KAZN: variants seen among roughly 807,000 people sequenced by gnomAD.
KAZN encodes the protein kazrin.
Under a neutral mutation model 87.4 loss-of-function variants are expected in KAZN, and 40 were observed. The observed-to-expected ratio is 0.46, with a 90% CI of 0.36 to 0.60. The LOEUF (loss-of-function observed/expected upper bound fraction) is 0.60, where lower values mean the gene tolerates loss of function less well. Ranked by LOEUF, KAZN falls within the 20% of genes least tolerant of loss-of-function variation. The pLI is 0.00. For missense variants in KAZN, 898 were observed against 1,073.9 expected, an observed-to-expected ratio of 0.84 and a Z score of 2.29; for synonymous variants, 466 against 458.3, an observed-to-expected ratio of 1.02 and a Z score of -0.22.
Position 14,380,570 on chromosome 1 carries a change from A to G in KAZN, c.249+199978A>G, listed in dbSNP as rs541240384. ...ATTCTAGAGTTGGAAAACGCAATTA[A>G]CATACTAAAAAATACATCAGAGTTT... is the stretch of plus-strand genomic sequence containing the variant. On this transcript the variant is annotated intron_variant, in intron 2 of 16. Coordinates refer to the KAZN transcript ENST00000636203. Among the ~76,000 whole-genome samples, 3 of 152,320 alleles carry G rather than the reference A, an allele frequency of 2.0e-5. No homozygotes were observed. The South Asian group carries it at 6.2e-4, about 32-fold the overall frequency.
At chr1:14,419,143 A>G (rs1453230625) in intron 2 of KAZN, among the ~76,000 whole-genome samples, 3 of 152,236 alleles carry the variant, frequency 2.0e-5, no homozygotes, top group Non-Finnish European at 4.4e-5. Context: ...AGGAACTTCT[A>G]TGCCAGCATA....
intron 2 of KAZN, among the ~76,000 whole-genome samples, chr1:14,213,458 A>C (rs1489496014): frequency 6.6e-6 from 1 of 152,068 alleles, no homozygotes; most frequent in African/African-American, 2.4e-5. Context: ...GGATTCATGG[A>C]GATGTATAGG....
chr1:14,864,934 C>A (rs1291146625), intron 1 of KAZN, among the ~76,000 whole-genome samples: 1 of 152,130 alleles, frequency 6.6e-6, no homozygotes, highest in Admixed American at 6.5e-5. Context: ...AAGCTCAGAC[C>A]AGCAGCCCCT....
chr1:15,117,376 G>A lies in KAZN; in HGVS notation c.*2741G>A, dbSNP rs1270203642. ...AAGGCACCTGCCTGGTAGACTCTCA[G>A]CTTTCTGACCCCCAGGAGCCTCTGC... On this transcript the variant is annotated 3_prime_UTR_variant, in exon 15 of 15. Coordinates refer to ENST00000376030, the MANE Select transcript of KAZN (RefSeq NM_201628.3). The A allele has an allele frequency of 2.0e-5, 3 of 152,254 alleles. No individual in the cohort carries two copies. Among genetic ancestry groups the A allele is most frequent in the Non-Finnish European group, 4.4e-5 (3 of 68,102 alleles). The allele number at this position is 152,254 out of a possible 1,614,324, so 9.4% of individuals were successfully genotyped here. A position where few individuals can be genotyped will look rare whatever the true frequency, so the allele number is the denominator to read the frequency against.
At chr1:14,971,075 C>T (rs1423413984) in intron 2 of KAZN, among the ~76,000 whole-genome samples, 1 of 152,192 alleles carries the variant, frequency 6.6e-6, no homozygotes, top group Admixed American at 6.5e-5. Flanking sequence ...TCAGTTTCCC[C>T]ATCTATAAAA....
At chr1:14,296,696 C>T (rs1161775565) in intron 2 of KAZN, among the ~76,000 whole-genome samples, 5 of 127,510 alleles carry the variant, frequency 3.9e-5, no homozygotes, top group African/African-American at 1.6e-4. Flanking sequence ...AGTACAGTGG[C>T]ATGATCGCAG....
intron 2 of KAZN, among the ~76,000 whole-genome samples, chr1:15,019,585 C>T (rs1003905665): frequency 6.6e-6 from 1 of 151,998 alleles, no homozygotes; most frequent in African/African-American, 2.4e-5. Context: ...GACAGGGTTT[C>T]GCCATGTTGG....
rs568731920 is a variant in KAZN at position 15,050,057 on chromosome 1, AGG to A, written c.726+5900_726+5901del. Among the ~76,000 whole-genome samples, 20 of 76,248 alleles carry A rather than the reference AGG, an allele frequency of 2.6e-4. No homozygotes were observed. The East Asian group carries it at 0.028, about 106-fold the overall frequency. The allele number at this position is 76,248 out of a possible 152,430, so 50.0% of individuals were successfully genotyped here. A position where few individuals can be genotyped will look rare whatever the true frequency, so the allele number is the denominator to read the frequency against. On this transcript the variant is annotated intron_variant, in intron 4 of 14. Coordinates refer to ENST00000376030, the MANE Select transcript of KAZN (RefSeq NM_201628.3). The stretch of plus-strand genomic sequence containing the variant: ...AGGGTAGGGTAGGGTAGGGTAGGGT[AGG>A]GTAGGGTAGAGTAGAGTAGAGTACA...
chr1:14,389,013 C>A (rs965753098), intron 2 of KAZN, among the ~76,000 whole-genome samples: 1 of 151,962 alleles, frequency 6.6e-6, no homozygotes, highest in Non-Finnish European at 1.5e-5. Context: ...AAAAAAAAAT[C>A]TAATAATTTG....
chr1:13,997,002 C>T (rs551126479), intron 1 of KAZN, among the ~76,000 whole-genome samples: 2 of 152,318 alleles, frequency 1.3e-5, no homozygotes, highest in East Asian at 3.9e-4. Context: ...GAAAAAGGAG[C>T]AGGCACCTGC....
chr1:13,906,561 G>T (rs1436340596), intron 1 of KAZN, among the ~76,000 whole-genome samples: 2 of 152,166 alleles, frequency 1.3e-5, no homozygotes, highest in Admixed American at 1.3e-4. Flanking sequence ...CGTTCTTCTG[G>T]CCTAACTTTG....
Position 14,184,557 on chromosome 1 carries a change from G to A in KAZN, c.249+3965G>A, listed in dbSNP as rs925925443. 3.9e-5 allele frequency among the ~76,000 whole-genome samples: 6 copies of A among 152,156 alleles called. No homozygotes were observed. Among genetic ancestry groups the A allele is most frequent in the African/African-American group, 1.4e-4 (6 of 41,444 alleles). ...AAACCTGGCATTTAGGAGGCAGATC[G>A]GGAGCCCTGCCAGGATCAGACACTG... is the stretch of plus-strand genomic sequence containing the variant. On this transcript the variant is annotated intron_variant, in intron 2 of 16. Coordinates refer to the KAZN transcript ENST00000636203. The surrounding 1 kb of genome is among the most constrained non-coding windows in gnomAD (Gnocchi z 4.2).
chr1:14,323,968 C>T (rs1428375611), intron 2 of KAZN, among the ~76,000 whole-genome samples: 1 of 152,136 alleles, frequency 6.6e-6, no homozygotes, highest in Non-Finnish European at 1.5e-5. Flanking sequence ...CTCTGTATTT[C>T]TTTCCTTTTC....
intron 1 of KAZN, among the ~76,000 whole-genome samples, chr1:14,063,877 C>G (rs2101528037): frequency 6.6e-6 from 1 of 152,310 alleles, no homozygotes; most frequent in East Asian, 1.9e-4. Flanking sequence ...TAAGACGTCA[C>G]TGCTCTTCCT....
chr1:14,709,869 A>G (rs1642397029), intron 1 of KAZN, among the ~76,000 whole-genome samples: 1 of 152,214 alleles, frequency 6.6e-6, no homozygotes, highest in South Asian at 2.1e-4. Context: ...CTGCTCTGCA[A>G]TTCACAGATG....
At chr1:14,520,676 C>T (rs1671539541) in intron 2 of KAZN, among the ~76,000 whole-genome samples, 1 of 152,178 alleles carries the variant, frequency 6.6e-6, no homozygotes, top group African/African-American at 2.4e-5. Context: ...AAGCAGCCAC[C>T]TCTGGGAATT....
At chr1:14,086,080 C>T (rs1415718378) in intron 1 of KAZN, among the ~76,000 whole-genome samples, 2 of 152,178 alleles carry the variant, frequency 1.3e-5, no homozygotes, top group African/African-American at 4.8e-5. Context: ...AAATCCCTTG[C>T]TCATATTTGT....
intron 2 of KAZN, among the ~76,000 whole-genome samples, chr1:14,295,703 A>G (rs1654060727): frequency 6.6e-6 from 1 of 152,084 alleles, no homozygotes; most frequent in African/African-American, 2.4e-5. Context: ...CAGATACACC[A>G]ATACCTAGTT....
At chr1:14,452,939 A>G (rs535746811) in intron 2 of KAZN, among the ~76,000 whole-genome samples, 1 of 152,236 alleles carries the variant, frequency 6.6e-6, no homozygotes, top group African/African-American at 2.4e-5. Context: ...TCTTCTTGAA[A>G]TAGGCCTCTT....
Sources: allele counts gnomAD v4.1 joint callset (sites outside exome capture counted in the v4.1 genomes callset), GRCh38; gene constraint gnomAD v4.1.1; non-coding constraint Gnocchi (gnomAD v3.1); transcripts MANE v1.5; gene names NCBI Gene and HGNC (gene_info 2026-07-23, HGNC 2026-07-21).